Variants in ATG7 observed in about 807,000 individuals in gnomAD.
The protein encoded by ATG7 is ubiquitin-like modifier-activating enzyme ATG7.
ATG7 carries 70 observed loss-of-function variants against 82.4 expected under a neutral mutation model. The observed-to-expected ratio is 0.85, with a 90% CI of 0.70 to 1.04. The LOEUF (loss-of-function observed/expected upper bound fraction) is 1.04. ATG7 is among the 50% of genes least tolerant of loss of function. ATG7 has a pLI of 0.00. For synonymous variants in ATG7, 287 were observed against 313.0 expected (o/e 0.92, Z 0.88); for missense variants, 792 against 864.3 (o/e 0.92, Z 1.05).
intron 20 of ATG7, among the ~76,000 whole-genome samples, chr3:11,468,403 C>A (rs547321186): frequency 6.6e-6 from 1 of 152,224 alleles, no homozygotes; most frequent in South Asian, 2.1e-4. Context: ...CTATCCTCCT[C>A]CCCACTCCAT....
At chr3:11,486,474 C>G (rs1419963242) in intron 20 of ATG7, among the ~76,000 whole-genome samples, 2 of 151,760 alleles carry the variant, frequency 1.3e-5, no homozygotes, top group Non-Finnish European at 2.9e-5. Context: ...ACAACCATGT[C>G]ATCTGCAAAC....
intron 20 of ATG7, among the ~76,000 whole-genome samples, chr3:11,549,044 C>T (rs1396552994): frequency 1.3e-5 from 2 of 152,056 alleles, no homozygotes; most frequent in Non-Finnish European, 2.9e-5. Context: ...GAGGTTCTTG[C>T]CAGCGTTATC....
chr3:11,281,640 G>C (rs946548830), intron 2 of ATG7, among the ~76,000 whole-genome samples: 30 of 152,102 alleles, frequency 2.0e-4, no homozygotes, highest in Non-Finnish European at 3.7e-4. Context: ...TGGGCGTAGT[G>C]GCGGGCGCCC....
At chr3:11,332,485 A>G (rs537737039) in intron 10 of ATG7, among the ~76,000 whole-genome samples, 3 of 152,222 alleles carry the variant, frequency 2.0e-5, no homozygotes, top group Non-Finnish European at 4.4e-5. Context: ...AGATAGATAA[A>G]TTATAGATTG....
At chr3:11,423,738 T>C (rs938090286) in intron 19 of ATG7, among the ~76,000 whole-genome samples, 6 of 152,128 alleles carry the variant, frequency 3.9e-5, no homozygotes, top group Non-Finnish European at 5.9e-5. Flanking sequence ...TTGCAGTCTC[T>C]CTGATCCTAA....
At chr3:11,430,271 A>G (rs1559607045) in intron 20 of ATG7, among the ~76,000 whole-genome samples, 1 of 152,166 alleles carries the variant, frequency 6.6e-6, no homozygotes, top group African/African-American at 2.4e-5. Flanking sequence ...ATCATTTTCT[A>G]TTACTTTGAA....
rs547996680 is a variant in ATG7 at position 11,480,210 on chromosome 3, C to A, written c.2079+53284C>A. ...CCTCCCAAAGTGCTGGGATTACAGG[C>A]ATGAGCCACCGCACCCGGCCTGGAA... On this transcript the variant is annotated intron_variant, in intron 20 of 20. Coordinates refer to ENST00000693202, the MANE Select transcript of ATG7 (RefSeq NM_001349232.2). Among the ~76,000 whole-genome samples the A allele has an allele frequency of 3.3e-5, 5 of 152,168 alleles. 1 individual carries two copies. In the Middle Eastern group the frequency reaches 0.01, roughly 311 times the overall value.
intron 20 of ATG7, among the ~76,000 whole-genome samples, chr3:11,520,631 G>C (rs3856794): frequency 0.16 from 24,370 of 152,030 alleles, 2,809 homozygotes; most frequent in South Asian, 0.35. Context: ...TGAAAGCAGG[G>C]CCTCAGCACA....
At chr3:11,443,071 T>C (rs1193681441) in intron 20 of ATG7, among the ~76,000 whole-genome samples, 1 of 152,150 alleles carries the variant, frequency 6.6e-6, no homozygotes, top group Non-Finnish European at 1.5e-5. Context: ...GAAAAGACAC[T>C]CTTCCCTGTT....
the ATG7 span, chr3:11,564,962 G>A: frequency 6.4e-7 from 1 of 1,554,008 alleles, no homozygotes; most frequent in Non-Finnish European, 8.7e-7. Context: ...CGCGCTCGAT[G>A]GGGCTGCGGC....
At chr3:11,390,238 G>A (rs1292817890) in intron 19 of ATG7, among the ~76,000 whole-genome samples, 1 of 152,194 alleles carries the variant, frequency 6.6e-6, no homozygotes, top group Non-Finnish European at 1.5e-5. Context: ...TGACTGATAA[G>A]GAAGATTGAT....
rs75951568 is a variant in ATG7 at position 11,328,087 on chromosome 3, G to C, written c.679-3253G>C. Among the ~76,000 whole-genome samples, 178 of 152,306 alleles carry C rather than the reference G, an allele frequency of 1.2e-3. 3 individuals are homozygous for C. In the East Asian group the frequency reaches 0.024, roughly 20 times the overall value. ...TCCATGGAGTGGACCAGCTGCATCA[G>C]AATTATTCAGGAGCCTGGTACAGAT... is the stretch of plus-strand genomic sequence containing the variant. On this transcript the variant is annotated intron_variant, in intron 9 of 20. Transcript: ENST00000693202.
chr3:11,368,193 G>GT (rs1233210537), intron 18 of ATG7, among the ~76,000 whole-genome samples: 1 of 135,888 alleles, frequency 7.4e-6, no homozygotes, highest in African/African-American at 2.8e-5. Flanking sequence ...TTATAGTAGT[G>GT]TTGTTCCTTC....
At chr3:11,467,435 G>T (rs1278360633) in intron 20 of ATG7, among the ~76,000 whole-genome samples, 1 of 152,192 alleles carries the variant, frequency 6.6e-6, no homozygotes, top group Admixed American at 6.5e-5. Flanking sequence ...GCAGTGCAAT[G>T]GTGCGATCTC....
At chr3:11,492,242 C>T (rs1336199014) in intron 20 of ATG7, among the ~76,000 whole-genome samples, 1 of 152,214 alleles carries the variant, frequency 6.6e-6, no homozygotes, top group Non-Finnish European at 1.5e-5. Context: ...CCGTCTGTCA[C>T]CCCTTTCTTT....
At chr3:11,437,575 T>A (rs930124295) in intron 20 of ATG7, among the ~76,000 whole-genome samples, 1 of 152,166 alleles carries the variant, frequency 6.6e-6, no homozygotes, top group Non-Finnish European at 1.5e-5. Context: ...ACAGGATTTT[T>A]CCCCCAAGAT....
intron 19 of ATG7, among the ~76,000 whole-genome samples, chr3:11,400,498 A>T (rs1374592310): frequency 2.6e-5 from 4 of 152,210 alleles, no homozygotes; most frequent in Non-Finnish European, 5.9e-5. Context: ...CTTGCAGACT[A>T]CTGGGAATAA....
chr3:11,321,974 C>T (rs1950274978), intron 9 of ATG7, among the ~76,000 whole-genome samples: 1 of 152,158 alleles, frequency 6.6e-6, no homozygotes, highest in South Asian at 2.1e-4. Context: ...AGAAGCCCCT[C>T]CTGAGATTGG....
intron 20 of ATG7, among the ~76,000 whole-genome samples, chr3:11,452,356 G>T (rs538115806): frequency 1.6e-5 from 2 of 125,808 alleles, no homozygotes; most frequent in African/African-American, 6.0e-5. Context: ...CTACACCCCA[G>T]TCTGGGCGAC....
Sources: gnomAD v4.1 joint callset for allele counts (sites outside exome capture counted in the v4.1 genomes callset) on GRCh38, gnomAD v4.1.1 for gene constraint, MANE v1.5 for transcripts, NCBI Gene and HGNC (gene_info 2026-07-23, HGNC 2026-07-21) for gene names.